The following CEP41 variants were observed in gnomAD, a reference collection of about 807,000 sequenced individuals.
CEP41 encodes centrosomal protein of 41 kDa.
Under a neutral mutation model 44.3 loss-of-function variants are expected in CEP41, and 32 were observed. The ratio of observed to expected loss-of-function variants is 0.72; its 90% CI spans 0.54 to 0.97. The LOEUF (loss-of-function observed/expected upper bound fraction) is 0.97, where lower values mean the gene tolerates loss of function less well. Ranked by LOEUF, CEP41 falls within the 50% of genes least tolerant of loss-of-function variation. CEP41 has a pLI of 0.00. For synonymous variants in CEP41, 151 were observed against 168.5 expected, an observed-to-expected ratio of 0.90 and a Z score of 0.80; for missense variants, 432 against 455.2, an observed-to-expected ratio of 0.95 and a Z score of 0.46.
At chr7:130,411,911 G>GA (rs1797192871) in intron 4 of CEP41, 1 of 345,826 alleles carries the variant, frequency 2.9e-6, no homozygotes, top group East Asian at 5.6e-5. Context: ...AATGTATAAG[G>GA]AAAAAAACCC....
At position 130,438,771 on chromosome 7, in the gene CEP41, A is replaced by C. The variant is rs139787363; in HGVS notation, c.33+2163T>G. Among the ~76,000 whole-genome samples, 85 of 152,112 alleles carry C rather than the reference A, an allele frequency of 5.6e-4. 2 individuals are homozygous for C. In the East Asian group the frequency reaches 0.014, roughly 25 times the overall value. On this transcript the variant is annotated intron_variant, in intron 1 of 10. Coordinates refer to ENST00000223208, the MANE Select transcript of CEP41 (RefSeq NM_018718.3). The stretch of plus-strand genomic sequence containing the variant: ...TGGCAAACTGCCATTCTCCTCACCT[A>C]TCTCTCCCACCCCCATGATACACAA...
At chr7:130,415,974 AC>A (rs1554420801) in intron 3 of CEP41, among the ~76,000 whole-genome samples, 1 of 152,244 alleles carries the variant, frequency 6.6e-6, no homozygotes, top group East Asian at 1.9e-4. Context: ...GCAAATGAAA[AC>A]ACAGCATAAA....
In CEP41 at chr7:130,422,381, G is replaced by C. The variant is rs1554422420; in HGVS notation, c.98-5415C>G. On this transcript the variant is annotated intron_variant, in intron 2 of 10. Transcript: ENST00000223208. ...GTAGAAACTCTGTACTCTTACTTGGGCTATAAGGTCCCTTTTCTGTTTTCT... is the reference window on the plus strand; with the variant it reads ...GTAGAAACTCTGTACTCTTACTTGGCCTATAAGGTCCCTTTTCTGTTTTCT... Among the ~76,000 whole-genome samples the C allele has an allele frequency of 2.6e-5, 4 of 152,214 alleles. No individual in the cohort carries two copies. The East Asian group carries it at 5.8e-4, about 22-fold the overall frequency.
At position 130,440,188 on chromosome 7, in the gene CEP41, T is replaced by C. The variant is rs191422828; in HGVS notation, c.33+746A>G. ...GCGCCTCACCACCACGCCCGGCTAATTTTTGTATTTTTAGTAGAGACGGGG... is the reference window on the plus strand; with the variant it reads ...GCGCCTCACCACCACGCCCGGCTAACTTTTGTATTTTTAGTAGAGACGGGG... On this transcript the variant is annotated intron_variant, in intron 1 of 10. Transcript: ENST00000223208. Among the ~76,000 whole-genome samples the C allele has an allele frequency of 6.0e-4, 91 of 152,084 alleles. 1 individual carries two copies. The East Asian group carries it at 0.015, about 26-fold the overall frequency.
intron 1 of CEP41, among the ~76,000 whole-genome samples, chr7:130,436,854 T>C (rs1056480089): frequency 2.1e-4 from 32 of 152,134 alleles, no homozygotes; most frequent in African/African-American, 7.5e-4. Context: ...CTGACCAACA[T>C]GGTAAAACCC....
rs376019428 is a variant in CEP41 at position 130,440,925 on chromosome 7, G to C, written c.33+9C>G. The C allele has an allele frequency of 6.2e-5, 100 of 1,611,598 alleles. No homozygotes were observed. Among genetic ancestry groups the C allele is most frequent in the Non-Finnish European group, 8.4e-5 (99 of 1,179,982 alleles). ...CCCTCCGGCTCTCCGGCCGAGACCT[G>C]GCCCTCACCTCAGGGTTCCCAATGT... On this transcript the variant is annotated intron_variant, in intron 1 of 10. Coordinates refer to ENST00000223208, the MANE Select transcript of CEP41 (RefSeq NM_018718.3).
rs1200417535 is a variant in CEP41, at chr7:130,394,638, G to C, written c.*4253C>G. ...TTGAATGCCTCGCCCACAAAGGCAG[G>C]ATACACAAGGGGGACAGAAGATAAC... is the stretch of plus-strand genomic sequence containing the variant. On this transcript the variant is annotated 3_prime_UTR_variant, in exon 11 of 11. Coordinates refer to ENST00000223208, the MANE Select transcript of CEP41 (RefSeq NM_018718.3). The C allele has an allele frequency of 2.2e-6, 1 of 453,832 alleles. No individual in the cohort carries two copies. The highest frequency in any genetic ancestry group is 1.6e-5 in the South Asian group (1 of 64,468). 28.1% of individuals were successfully genotyped at this position (453,832 alleles called of 1,614,324 possible).
At chr7:130,405,167 T>C (rs1280210090) in intron 5 of CEP41, among the ~76,000 whole-genome samples, 3 of 152,194 alleles carry the variant, frequency 2.0e-5, no homozygotes, top group Admixed American at 2.0e-4. Context: ...AGTAAGTACA[T>C]GCTTTTTTTA....
chr7:130,403,258 C>T (rs17330912), intron 6 of CEP41, among the ~76,000 whole-genome samples: 4,653 of 152,280 alleles, frequency 0.031, 82 homozygotes, highest in African/African-American at 0.042. Context: ...ATTTCATATA[C>T]GTAGTCAGTG....
At chr7:130,421,639 G>C in intron 2 of CEP41, 1 of 1,035,744 alleles carries the variant, frequency 9.7e-7, no homozygotes, top group Non-Finnish European at 1.2e-6. Context: ...TTTGTCTAGA[G>C]ATAATAAAAG....
At chr7:130,425,968 C>G (rs1352247040) in intron 2 of CEP41, among the ~76,000 whole-genome samples, 1 of 152,140 alleles carries the variant, frequency 6.6e-6, no homozygotes, top group Non-Finnish European at 1.5e-5. Context: ...GTAGAACAGA[C>G]TGGTGATCGC....
At chr7:130,410,024 G>GTCTTCTTTTTTTTTT (rs1554419038) in intron 5 of CEP41, among the ~76,000 whole-genome samples, 20 of 67,082 alleles carry the variant, frequency 3.0e-4, no homozygotes, top group Admixed American at 8.1e-4. Flanking sequence ...GCCTACCTCG[G>GTCTTCTTTTTTTTTT]TCTTCTTTTT....
Position 130,398,500 on chromosome 7 carries a change from A to G in CEP41, c.*391T>C. The G allele has an allele frequency of 2.2e-6, 1 of 456,666 alleles. No homozygotes were observed. Among genetic ancestry groups the G allele is most frequent in the Non-Finnish European group, 4.4e-6 (1 of 228,400 alleles). The allele number at this position is 456,666 out of a possible 1,614,324, so 28.3% of individuals were successfully genotyped here. ...CAGTGAATGAAAAGGTGGCAGGGAC[A>G]GGCACACGGGCAGATGTGACTGAAG... On this transcript the variant is annotated 3_prime_UTR_variant, in exon 11 of 11. Coordinates refer to ENST00000223208, the MANE Select transcript of CEP41 (RefSeq NM_018718.3).
chr7:130,404,821 G>C, intron 5 of CEP41, 113 bp from the exon 6 acceptor site: 1 of 910,348 alleles, frequency 1.1e-6, no homozygotes. Context: ...TTATTAAATT[G>C]TCGTGGAAGT....
rs1303842941 is a variant in CEP41 at position 130,402,759 on chromosome 7, G to A, written c.463C>T (p.Pro155Ser). 1 of 1,614,006 alleles carries A rather than the reference G, an allele frequency of 6.2e-7. No homozygotes were observed. The highest frequency in any genetic ancestry group is 8.5e-7 in the Non-Finnish European group (1 of 1,180,012). Residue 155 changes from proline (P) to serine (S), a missense_variant, in exon 7 of 11, where the codon CCA becomes TCA. Coordinates refer to ENST00000223208, the MANE Select transcript of CEP41 (RefSeq NM_018718.3). Reference sequence around the variant, plus strand: ...GTATGGGGCTCTGCTTTCTTCACTGGCCCTTTGTCTAGATCCAGTTCCCCA... The same window carrying A: ...GTATGGGGCTCTGCTTTCTTCACTGACCCTTTGTCTAGATCCAGTTCCCCA... ...GVGELDLDKG[P>S]VKKAEPHTKD...
At chr7:130,414,823 C>T (rs1695027486) in intron 3 of CEP41, among the ~76,000 whole-genome samples, 1 of 152,248 alleles carries the variant, frequency 6.6e-6, no homozygotes, top group African/African-American at 2.4e-5. Context: ...TCTGTCCTCG[C>T]AAGAGCGAAC....
intron 2 of CEP41, chr7:130,421,530 A>G (rs1341302988): frequency 2.0e-6 from 2 of 984,326 alleles, no homozygotes; most frequent in Non-Finnish European, 2.4e-6. Context: ...ATAAAAATGA[A>G]GAGTACCTAG....
Position 130,395,131 on chromosome 7 carries a change from C to G in CEP41, c.*3760G>C. 2.2e-6 allele frequency: 1 copy of G among 454,022 alleles called. No individual in the cohort carries two copies. Among genetic ancestry groups the G allele is most frequent in the Non-Finnish European group, 4.4e-6 (1 of 226,772 alleles). The allele number at this position is 454,022 out of a possible 1,614,324, so 28.1% of individuals were successfully genotyped here. On this transcript the variant is annotated 3_prime_UTR_variant, in exon 11 of 11. Coordinates refer to ENST00000223208, the MANE Select transcript of CEP41 (RefSeq NM_018718.3). ...TTACATTTTTTATGTTGTAACTGACCTGTGTATCCATTTAAAGATGTCATA... is the reference window on the plus strand; with the variant it reads ...TTACATTTTTTATGTTGTAACTGACGTGTGTATCCATTTAAAGATGTCATA...
At chr7:130,435,138 CTT>C (rs1797925659) in intron 1 of CEP41, among the ~76,000 whole-genome samples, 1 of 152,102 alleles carries the variant, frequency 6.6e-6, no homozygotes, top group Non-Finnish European at 1.5e-5. Flanking sequence ...AAATAAAACT[CTT>C]ATATTTCTCT....
Sources: gnomAD v4.1 joint callset for allele counts (sites outside exome capture counted in the v4.1 genomes callset) on GRCh38, gnomAD v4.1.1 for gene constraint, MANE v1.5 for transcripts, NCBI Gene and HGNC (gene_info 2026-07-23, HGNC 2026-07-21) for gene names.